Variants in WDR7 observed in about 807,000 individuals in gnomAD.
WDR7 encodes the protein WD repeat-containing protein 7.
A neutral mutation model predicts 169.4 loss-of-function variants in WDR7; 46 were observed. That is an observed-to-expected ratio of 0.27 (90% CI 0.21 to 0.35). The LOEUF is 0.35. WDR7 is among the 10% of genes least tolerant of loss of function. The pLI, the probability that WDR7 is intolerant of heterozygous loss-of-function variation, is 1.00. For missense variants in WDR7, 1,534 were observed against 1,859.3 expected, an observed-to-expected ratio of 0.83 and a Z score of 3.22; for synonymous variants, 612 against 666.8, an observed-to-expected ratio of 0.92 and a Z score of 1.27.
At chr18:56,985,139 TAA>T (rs1252566614) in intron 26 of WDR7, among the ~76,000 whole-genome samples, 1 of 152,162 alleles carries the variant, frequency 6.6e-6, no homozygotes, top group Non-Finnish European at 1.5e-5. Flanking sequence ...GTATGTGGGG[TAA>T]AGTGTTGCAG....
intron 26 of WDR7, among the ~76,000 whole-genome samples, chr18:57,003,819 C>T (rs1022022326): frequency 6.6e-6 from 1 of 152,014 alleles, no homozygotes; most frequent in Admixed American, 6.6e-5. Context: ...TATCTGACTC[C>T]ACTTCATTCC....
chr18:56,874,455 T>C lies in WDR7; in HGVS notation c.3305-5489T>C, dbSNP rs113056491. Among the ~76,000 whole-genome samples the C allele has an allele frequency of 7.7e-3, 1,176 of 152,190 alleles. 19 individuals carry two copies. The highest frequency in any genetic ancestry group is 0.027 in the African/African-American group (1,121 of 41,564). Reference sequence around the variant, plus strand: ...CTTTCCATGAAGAGAGAGAAATGCATACTTTGGTATCAGACTAGAAGATAT... The same window carrying C: ...CTTTCCATGAAGAGAGAGAAATGCACACTTTGGTATCAGACTAGAAGATAT... On this transcript the variant is annotated intron_variant, in intron 20 of 27. Transcript: ENST00000254442.
At chr18:56,969,097 C>G (rs1173502944) in intron 26 of WDR7, among the ~76,000 whole-genome samples, 1 of 152,146 alleles carries the variant, frequency 6.6e-6, no homozygotes, top group Non-Finnish European at 1.5e-5. Flanking sequence ...TAGACATTTC[C>G]ATTTGGATAT....
Position 56,820,359 on chromosome 18 carries a change from A to AAAAAAAAAAAAAAAAAAAAAAC in WDR7, c.3304+4220_3304+4221insAAAAAAAAAAAAAAAACAAAAA, listed in dbSNP as rs1044771844. Reference sequence around the variant, plus strand: ...ATTGTCAAAAAAAAAAAAAAAAAAAAAAAAACCACCTTGATACTAGATCAG... The same window carrying AAAAAAAAAAAAAAAAAAAAAAC: ...ATTGTCAAAAAAAAAAAAAAAAAAAAAAAAAAAAAAAAAAAAAAAAACAAAAACCACCTTGATACTAGATCAG... On this transcript the variant is annotated intron_variant, in intron 20 of 27. Coordinates refer to ENST00000254442, the MANE Select transcript of WDR7 (RefSeq NM_015285.3). Among the ~76,000 whole-genome samples, 11 of 127,460 alleles carry AAAAAAAAAAAAAAAAAAAAAAC rather than the reference A, an allele frequency of 8.6e-5. 1 individual carries two copies. The highest frequency in any genetic ancestry group is 3.5e-4 in the African/African-American group (10 of 28,364). 83.6% of individuals were successfully genotyped at this position (127,460 alleles called of 152,430 possible). A position where few individuals can be genotyped will look rare whatever the true frequency, so the allele number is the denominator to read the frequency against.
At chr18:56,879,573 A>T (rs1049257870) in intron 20 of WDR7, among the ~76,000 whole-genome samples, 4 of 152,176 alleles carry the variant, frequency 2.6e-5, no homozygotes, top group Admixed American at 2.0e-4. Context: ...TTTCAAGCAC[A>T]AAAGTTTTTA....
At chr18:56,809,844 CAT>C (rs1169818678) in intron 19 of WDR7, among the ~76,000 whole-genome samples, 1 of 151,920 alleles carries the variant, frequency 6.6e-6, no homozygotes, top group South Asian at 2.1e-4. Flanking sequence ...CACTTTTAAA[CAT>C]ATTGTTCTAT....
intron 1 of WDR7, among the ~76,000 whole-genome samples, chr18:56,657,248 C>G (rs552245979): frequency 6.6e-6 from 1 of 151,936 alleles, no homozygotes; most frequent in South Asian, 2.1e-4. Context: ...ACCTCCAACT[C>G]CCAAGTTCAA....
chr18:56,668,787 A>G (rs1413562049), intron 1 of WDR7, among the ~76,000 whole-genome samples: 1 of 152,226 alleles, frequency 6.6e-6, no homozygotes, highest in Non-Finnish European at 1.5e-5. Context: ...ACTTTGGCAG[A>G]AAGTCAATGA....
At chr18:56,834,703 A>G (rs1206103326) in intron 20 of WDR7, among the ~76,000 whole-genome samples, 1 of 152,150 alleles carries the variant, frequency 6.6e-6, no homozygotes, top group Non-Finnish European at 1.5e-5. Flanking sequence ...TAATTTTGAA[A>G]TTAAACTGGT....
chr18:56,933,379 C>G (rs1469447068), intron 22 of WDR7, among the ~76,000 whole-genome samples: 1 of 152,194 alleles, frequency 6.6e-6, no homozygotes, highest in African/African-American at 2.4e-5. Flanking sequence ...TGTGCCCACA[C>G]ATAAGACTTC....
rs189054054 is a variant in WDR7, at chr18:57,003,869, T to A, written c.4165-16876T>A. On this transcript the variant is annotated intron_variant, in intron 26 of 27. Transcript: ENST00000254442. The stretch of plus-strand genomic sequence containing the variant: ...TTGATCATTCTGGAGGGCTTTTTGT[T>A]TGTTTGTTTTTCCCCAACAAGCTAT... Among the ~76,000 whole-genome samples, 23 of 152,208 alleles carry A rather than the reference T, an allele frequency of 1.5e-4. No individual in the cohort carries two copies. In the Middle Eastern group the frequency reaches 0.014, roughly 90 times the overall value.
intron 16 of WDR7, among the ~76,000 whole-genome samples, chr18:56,761,383 G>A (rs2144967951): frequency 6.6e-6 from 1 of 152,222 alleles, no homozygotes; most frequent in East Asian, 1.9e-4. Flanking sequence ...CTAGCCTTGT[G>A]TCTTAATTAC....
intron 12 of WDR7, among the ~76,000 whole-genome samples, chr18:56,701,968 A>G (rs1236214243): frequency 6.6e-6 from 1 of 152,194 alleles, no homozygotes; most frequent in Non-Finnish European, 1.5e-5. Flanking sequence ...TTTACACAAC[A>G]CAGCGTGGTT....
chr18:56,848,141 G>C (rs904767364), intron 20 of WDR7, among the ~76,000 whole-genome samples: 1 of 152,164 alleles, frequency 6.6e-6, no homozygotes, highest in Non-Finnish European at 1.5e-5. Context: ...CACTAGGATG[G>C]GCCTTGCGAG....
At position 56,781,647 on chromosome 18, in the gene WDR7, G is replaced by C; in HGVS notation, c.3181G>C (p.Val1061Leu). The change falls in exon 19 of 28, where the codon GTC becomes CTC. Residue 1061 changes from valine to leucine, a missense_variant. Coordinates refer to ENST00000254442, the MANE Select transcript of WDR7 (RefSeq NM_015285.3). Reference sequence around the variant, plus strand: ...TTACTTACCTCAGTACATAGACCACGTCATATCACGTAAGAGTTCTCATGC... The same window carrying C: ...TTACTTACCTCAGTACATAGACCACCTCATATCACGTAAGAGTTCTCATGC... ...APYLPQYIDHVISPGVTSEAA... is the reference protein window; with the variant it reads ...APYLPQYIDHLISPGVTSEAA... 1.2e-6 allele frequency: 2 copies of C among 1,600,658 alleles called. No homozygotes were observed. The highest frequency in any genetic ancestry group is 1.7e-6 in the Non-Finnish European group (2 of 1,173,428).
At chr18:56,758,994 G>A in intron 16 of WDR7, 41 bp downstream of exon 16, 2 of 1,537,252 alleles carry the variant, frequency 1.3e-6, no homozygotes, top group Non-Finnish European at 1.8e-6. Context: ...TGACATTTCA[G>A]CTCTAGAAAC....
At chr18:56,982,196 A>G (rs905830445) in intron 26 of WDR7, among the ~76,000 whole-genome samples, 19 of 152,222 alleles carry the variant, frequency 1.2e-4, no homozygotes, top group African/African-American at 4.6e-4. Context: ...CTGACTTTAA[A>G]TAGGGCCACT....
rs145127672 is a variant in WDR7, at chr18:56,722,839, T to C, written c.1774+4680T>C. Among the ~76,000 whole-genome samples the C allele has an allele frequency of 1.0e-3, 152 of 152,256 alleles. 2 individuals are homozygous for C. In the East Asian group the frequency reaches 0.029, roughly 29 times the overall value. On this transcript the variant is annotated intron_variant, in intron 13 of 27. Coordinates refer to ENST00000254442, the MANE Select transcript of WDR7 (RefSeq NM_015285.3). ...TTTTATTATTTCCAGTGTACCATTG[T>C]AATTTATGGCCATATTTTTCCATAC... is the stretch of plus-strand genomic sequence containing the variant.
intron 21 of WDR7, among the ~76,000 whole-genome samples, chr18:56,895,700 C>T (rs138653273): frequency 3.2e-4 from 48 of 151,570 alleles, no homozygotes; most frequent in Non-Finnish European, 5.5e-4. Context: ...GTATATCTAC[C>T]ATGTACCCAT....
Sources: allele counts gnomAD v4.1 joint callset (sites outside exome capture counted in the v4.1 genomes callset), GRCh38; gene constraint gnomAD v4.1.1; transcripts MANE v1.5; gene names NCBI Gene and HGNC (gene_info 2026-07-23, HGNC 2026-07-21).